FASN: variants seen among roughly 807,000 people sequenced by gnomAD.
The protein encoded by FASN is fatty acid synthase.
Under a neutral mutation model 250.0 loss-of-function variants are expected in FASN, and 50 were observed. The ratio of observed to expected loss-of-function variants is 0.20; its 90% CI spans 0.16 to 0.25. FASN has a LOEUF of 0.25. FASN is among the 10% of genes least tolerant of loss of function. The pLI is 1.00. For synonymous variants in FASN, 1,909 were observed against 1,584.0 expected, an observed-to-expected ratio of 1.21 and a Z score of -4.87; for missense variants, 3,031 against 3,498.5, an observed-to-expected ratio of 0.87 and a Z score of 3.37.
In FASN at chr17:82,086,320, CG is replaced by C; in HGVS notation, c.3665del (p.Pro1222ArgfsTer17). The C allele has an allele frequency of 1.2e-6, 2 of 1,603,064 alleles. No individual in the cohort carries two copies. ...CAGTGTCCAGGCAGGCCTTGAGTGCCGGGGAGTCCAGGAGGCCGCTGAGCAG... is the reference window on the plus strand; with the variant it reads ...CAGTGTCCAGGCAGGCCTTGAGTGCCGGGAGTCCAGGAGGCCGCTGAGCAG... ...DPLLSGLLDS[P>X]ALKACLDTAV... On this transcript the variant is annotated frameshift_variant, in exon 22 of 43. Coordinates refer to ENST00000306749, the MANE Select transcript of FASN (RefSeq NM_004104.5). LOFTEE classifies it high-confidence loss of function.
At chr17:82,094,069 G>A (rs2034263935) in intron 3 of FASN, 1 of 509,328 alleles carries the variant, frequency 2.0e-6, no homozygotes, top group Non-Finnish European at 3.6e-6. Flanking sequence ...GGCACGGCCA[G>A]AGTGGCTCCA....
Position 82,082,358 on chromosome 17 carries a change from G to A in FASN, c.5976C>T (p.Cys1992=), listed in dbSNP as rs2034005474. 20 of 1,612,788 alleles carry A rather than the reference G, an allele frequency of 1.2e-5. No homozygotes were observed. Among genetic ancestry groups the A allele is most frequent in the Non-Finnish European group, 1.6e-5 (19 of 1,180,020 alleles). ...TCAGGGTGCCGCTGTACTTGGGCTTGCAGACGTCCTGGAAGAACTCTGGGG... is the reference window on the plus strand; with the variant it reads ...TCAGGGTGCCGCTGTACTTGGGCTTACAGACGTCCTGGAAGAACTCTGGGG... The part of the protein sequence containing the change: ...NQTPEFFQDV[C]KPKYSGTLNL... Residue 1992 remains cysteine, a synonymous_variant, in exon 35 of 43, where the codon TGC becomes TGT. Transcript: ENST00000306749.
At position 82,090,976 on chromosome 17, in the gene FASN, G is replaced by A. The variant is rs778486464; in HGVS notation, c.1586C>T (p.Pro529Leu). ...CAGCTGTGACACCTTCAGGCCGAATGGCTTCACAGCCTCATCGGAGCGTAG... is the reference window on the plus strand; with the variant it reads ...CAGCTGTGACACCTTCAGGCCGAATAGCTTCACAGCCTCATCGGAGCGTAG... ...SILRSDEAVK[P>L]FGLKVSQLLL... Residue 529 changes from proline to leucine, a missense_variant, in exon 10 of 43, where the codon CCA (proline) becomes CTA (leucine). Pro to Leu is a moderately conservative substitution (Grantham distance 98). Coordinates refer to ENST00000306749, the MANE Select transcript of FASN (RefSeq NM_004104.5). 6.2e-6 allele frequency: 10 copies of A among 1,612,794 alleles called. No homozygotes were observed. The highest frequency in any genetic ancestry group is 8.5e-6 in the Non-Finnish European group (10 of 1,180,000).
At chr17:82,088,056 G>T (rs199783106) in intron 17 of FASN, 22 bp from the exon 18 acceptor site, 1 of 1,612,690 alleles carries the variant, frequency 6.2e-7, no homozygotes, top group East Asian at 2.2e-5. Context: ...GAGAGTTGGA[G>T]ATCAGAGGGC....
Position 82,078,977 on chromosome 17 carries a change from G to T in FASN, c.*166C>A. 2.4e-6 allele frequency: 2 copies of T among 816,546 alleles called. No individual in the cohort carries two copies. Among genetic ancestry groups the T allele is most frequent in the Non-Finnish European group, 3.9e-6 (2 of 516,126 alleles). 50.6% of individuals were successfully genotyped at this position (816,546 alleles called of 1,614,324 possible). On this transcript the variant is annotated 3_prime_UTR_variant, in exon 43 of 43. Coordinates refer to ENST00000306749, the MANE Select transcript of FASN (RefSeq NM_004104.5). The surrounding 1 kb of genome is among the most constrained non-coding windows in gnomAD (Gnocchi z 5.4). ...CGAGGTGCCGTGGGAGGCGGCGGGT[G>T]GGTGGGACATGCCTAACACCTACAT... is the stretch of plus-strand genomic sequence containing the variant.
At chr17:82,095,573 G>A in intron 2 of FASN, 101 bp from the exon 3 acceptor site, 2 of 1,425,162 alleles carry the variant, frequency 1.4e-6, no homozygotes, top group Non-Finnish European at 1.9e-6. Flanking sequence ...GTGGAACTGA[G>A]GACTCTCTGC....
At chr17:82,094,261 G>A (rs1466527069) in intron 3 of FASN, 4 of 252,182 alleles carry the variant, frequency 1.6e-5, no homozygotes, top group Non-Finnish European at 3.2e-5. Flanking sequence ...AGGAGAGAGG[G>A]ACACCGGTCA....
At position 82,087,704 on chromosome 17, in the gene FASN, G is replaced by A. The variant is rs770257107; in HGVS notation, c.3024C>T (p.Ile1008=). Reference sequence around the variant, plus strand: ...ACCCACCTTCCAGGCTGGCCTCCAGGATGCCCTGGAAATGAGGGCCGTAGT... The same window carrying A: ...ACCCACCTTCCAGGCTGGCCTCCAGAATGCCCTGGAAATGAGGGCCGTAGT... ...GYDYGPHFQG[I]LEASLEGDSG... Residue 1008 remains isoleucine (I), a synonymous_variant, in exon 19 of 43, where the codon ATC becomes ATT. Coordinates refer to ENST00000306749, the MANE Select transcript of FASN (RefSeq NM_004104.5). 1.6e-5 allele frequency: 25 copies of A among 1,611,866 alleles called. No homozygotes were observed. The highest frequency in any genetic ancestry group is 1.5e-4 in the South Asian group (14 of 91,074).
At position 82,086,321 on chromosome 17, in the gene FASN, G is replaced by A. The variant is rs779872658; in HGVS notation, c.3665C>T (p.Pro1222Leu). 17 of 1,602,804 alleles carry A rather than the reference G, an allele frequency of 1.1e-5. No individual in the cohort carries two copies. The highest frequency in any genetic ancestry group is 3.4e-5 in the Admixed American group (2 of 59,442). ...DPLLSGLLDS[P>L]ALKACLDTAV... ...AGTGTCCAGGCAGGCCTTGAGTGCC[G>A]GGGAGTCCAGGAGGCCGCTGAGCAG... The change falls in exon 22 of 43, where the codon CCG becomes CTG. Residue 1222 changes from proline to leucine, a missense_variant. Coordinates refer to ENST00000306749, the MANE Select transcript of FASN (RefSeq NM_004104.5).
At chr17:82,090,170 G>A (rs78791204) in intron 11 of FASN, among the ~76,000 whole-genome samples, 1,665 of 152,324 alleles carry the variant, frequency 0.011, 12 homozygotes, top group Non-Finnish European at 0.018. Flanking sequence ...CCATGGACAC[G>A]TGCCTAGGCC....
Position 82,093,375 on chromosome 17 carries a change from C to T in FASN, c.499G>A (p.Ala167Thr), listed in dbSNP as rs2034247830. ...ATGGCCTGGTAGGCGTTCTGCAGGG[C>T]CATCAGGCTGGAGGAGCAGGCTGTG... ...LDTACSSSLM[A>T]LQNAYQAIHS... Residue 167 changes from alanine to threonine, a missense_variant, in exon 5 of 43, where the codon GCC becomes ACC. By Grantham distance (58) the Ala-to-Thr change is moderately conservative. Transcript: ENST00000306749. The T allele has an allele frequency of 6.2e-7, 1 of 1,604,198 alleles. No individual in the cohort carries two copies. Among genetic ancestry groups the T allele is most frequent in the African/African-American group, 1.3e-5 (1 of 74,866 alleles).
Position 82,087,945 on chromosome 17 carries a change from C to A in FASN, c.2866+9G>T. On this transcript the variant is annotated intron_variant, in intron 18 of 42. Coordinates refer to ENST00000306749, the MANE Select transcript of FASN (RefSeq NM_004104.5). ...CCTCCGCAGCTCCCGTGCCACCGGC[C>A]CTGCTTACCACTCACTACCAGGTTG... 1 of 1,612,666 alleles carries A rather than the reference C, an allele frequency of 6.2e-7. No homozygotes were observed. Among genetic ancestry groups the A allele is most frequent in the Non-Finnish European group, 8.5e-7 (1 of 1,179,924 alleles).
At position 82,079,468 on chromosome 17, in the gene FASN, G is replaced by A. The variant is rs565494798; in HGVS notation, c.7287C>T (p.Ala2429=). Residue 2429 remains alanine, a synonymous_variant, in exon 42 of 43, where the codon GCC becomes GCT. Transcript: ENST00000306749. Reference sequence around the variant, plus strand: ...TGGCCTTGGGTGTGTACTGCTCAGCGGCACGCAGCTTGTAGTAGAAGGACC... The same window carrying A: ...TGGCCTTGGGTGTGTACTGCTCAGCAGCACGCAGCTTGTAGTAGAAGGACC... ...AARSFYYKLR[A]AEQYTPKAKY... The A allele has an allele frequency of 1.1e-5, 17 of 1,612,926 alleles. No homozygotes were observed. Among genetic ancestry groups the A allele is most frequent in the East Asian group, 8.9e-5 (4 of 44,876 alleles).
chr17:82,091,187 G>T (rs746890636), intron 9 of FASN, 35 bp downstream of exon 9: 55 of 1,601,966 alleles, frequency 3.4e-5, no homozygotes. Flanking sequence ...TTTCCCCAGG[G>T]AAGGGACCAC....
intron 2 of FASN, among the ~76,000 whole-genome samples, chr17:82,096,076 T>C (rs772563826): frequency 5.9e-5 from 9 of 152,248 alleles, no homozygotes; most frequent in Non-Finnish European, 1.2e-4. Context: ...CCTGTTGGCC[T>C]TGCAGCCGTT....
At position 82,084,689 on chromosome 17, in the gene FASN, G is replaced by C; in HGVS notation, c.4592C>G (p.Ala1531Gly). Residue 1531 changes from alanine (A) to glycine (G), a missense_variant, in exon 27 of 43, where the codon GCC (alanine) becomes GGC (glycine). Ala to Gly is a moderately conservative substitution (Grantham distance 60). Coordinates refer to ENST00000306749, the MANE Select transcript of FASN (RefSeq NM_004104.5). ...EDKPEEPTAHAFVSTLTRGDL... is the reference protein window; with the variant it reads ...EDKPEEPTAHGFVSTLTRGDL... ...CCCCCGGGTGAGGGTGCTCACAAAG[G>C]CATGTGCCGTCGGCTCCTCAGGCTT... The C allele has an allele frequency of 1.9e-6, 3 of 1,575,900 alleles. No individual in the cohort carries two copies. The highest frequency in any genetic ancestry group is 1.2e-5 in the South Asian group (1 of 86,608).
rs1235655072 is a variant in FASN, at chr17:82,090,864, T to C, written c.1680+18A>G. ...CCTGGGGCTGGCGTTGCTCACACGC[T>C]GGCAGGCTGGGCCCTACCTGGATGG... is the stretch of plus-strand genomic sequence containing the variant. On this transcript the variant is annotated intron_variant, in intron 10 of 42. Coordinates refer to ENST00000306749, the MANE Select transcript of FASN (RefSeq NM_004104.5). The C allele has an allele frequency of 1.0e-5, 16 of 1,567,346 alleles. No individual in the cohort carries two copies. The highest frequency in any genetic ancestry group is 1.3e-5 in the Non-Finnish European group (15 of 1,157,290).
rs1400464236 is a variant in FASN, at chr17:82,079,713, T to G, written c.7147-105A>C. ...TTTTTTTTGAGACGAGTTTCATTTT[T>G]GTTACCCAGGCTAGATGGAGTGGGG... On this transcript the variant is annotated intron_variant, in intron 41 of 42. Coordinates refer to ENST00000306749, the MANE Select transcript of FASN (RefSeq NM_004104.5). 3.4e-6 allele frequency: 5 copies of G among 1,451,432 alleles called. No individual in the cohort carries two copies. The African/African-American group carries it at 7.2e-5, about 21-fold the overall frequency. 89.9% of individuals were successfully genotyped at this position (1,451,432 alleles called of 1,614,324 possible).
At chr17:82,086,677 G>C in intron 21 of FASN, 119 bp from the exon 22 acceptor site, 2 of 801,458 alleles carry the variant, frequency 2.5e-6, no homozygotes, top group Non-Finnish European at 4.2e-6. Flanking sequence ...CACAGGATGA[G>C]AAATAGCTGA....
Sources: gnomAD v4.1 joint callset for allele counts (sites outside exome capture counted in the v4.1 genomes callset) on GRCh38, gnomAD v4.1.1 for gene constraint, Gnocchi (gnomAD v3.1) non-coding constraint, MANE v1.5 for transcripts, NCBI Gene and HGNC (gene_info 2026-07-23, HGNC 2026-07-21) for gene names.